Variants in TBX19 observed in about 807,000 individuals in gnomAD.
The protein encoded by TBX19 is T-box transcription factor TBX19.
TBX19 carries 33 observed loss-of-function variants against 40.9 expected under a neutral mutation model. The ratio of observed to expected loss-of-function variants is 0.81; its 90% confidence interval spans 0.61 to 1.08. The LOEUF (loss-of-function observed/expected upper bound fraction) is 1.08, where lower values mean the gene tolerates loss of function less well. Among genes scored for constraint, TBX19 ranks in the 50% least tolerant of loss-of-function variants. The pLI, the probability that TBX19 is intolerant of heterozygous loss-of-function variation, is 0.00. For synonymous variants in TBX19, 220 were observed against 225.0 expected, an observed-to-expected ratio of 0.98 and a Z score of 0.20; for missense variants, 494 against 574.0, an observed-to-expected ratio of 0.86 and a Z score of 1.42.
In TBX19 at chr1:168,281,097, A is replaced by G. The variant is rs771353874; in HGVS notation, c.7A>G (p.Met3Val). The G allele has an allele frequency of 6.2e-6, 10 of 1,614,006 alleles. No individual in the cohort carries two copies. In the South Asian group the frequency reaches 9.9e-5, roughly 16 times the overall value. The change falls in exon 1 of 8, where the codon ATG becomes GTG. Residue 3 changes from methionine to valine, a missense_variant. Physicochemically the swap from Met to Val is conservative, Grantham distance 21. Around this residue, in one of 3 missense-constraint regions of TBX19, gnomAD observed 201 missense variants for 235.2 expected, o/e 0.85. Coordinates refer to ENST00000367821, the MANE Select transcript of TBX19 (RefSeq NM_005149.3). MA[M>V]SELGTRKPSD... ...CAAAGTTCGAGAAGTGCCTATGGCCATGAGTGAGCTGGGCACTCGGAAGCC... is the reference window on the plus strand; with the variant it reads ...CAAAGTTCGAGAAGTGCCTATGGCCGTGAGTGAGCTGGGCACTCGGAAGCC...
At chr1:168,300,511 G>A in intron 5 of TBX19, 28 bp downstream of exon 5, 1 of 1,610,946 alleles carries the variant, frequency 6.2e-7, no homozygotes, top group East Asian at 2.2e-5. Context: ...GAGGCGGGAG[G>A]TGCGTGGGGC....
Position 168,281,166 on chromosome 1 carries a change from G to C in TBX19, c.76G>C (p.Glu26Gln), listed in dbSNP as rs1241142397. ...VSHLLNVVESELQAGREKGDP... is the reference protein window; with the variant it reads ...VSHLLNVVESQLQAGREKGDP... ...TCATCTGCTCAATGTGGTGGAGAGT[G>C]AGCTTCAGGCAGGGAGGGAAAAAGG... The change falls in exon 1 of 8, where the codon GAG becomes CAG. Residue 26 changes from glutamate to glutamine, a missense_variant. Glu to Gln is a conservative substitution (Grantham distance 29). This residue lies in a region of TBX19 where 201 missense variants were observed against 235.2 expected (regional missense o/e 0.85). Transcript: ENST00000367821. 2 of 1,614,042 alleles carry C rather than the reference G, an allele frequency of 1.2e-6. No individual in the cohort carries two copies. Among genetic ancestry groups the C allele is most frequent in the African/African-American group, 2.7e-5 (2 of 74,924 alleles).
At chr1:168,303,634 G>C (rs373909361) in intron 5 of TBX19, among the ~76,000 whole-genome samples, 2 of 152,304 alleles carry the variant, frequency 1.3e-5, no homozygotes, top group Admixed American at 6.5e-5. Flanking sequence ...CTACTTCATA[G>C]GCAGAACAGA....
At chr1:168,293,063 A>C (rs1648987015) in intron 2 of TBX19, 81 bp from the exon 3 acceptor site, 1 of 1,596,676 alleles carries the variant, frequency 6.3e-7, no homozygotes, top group Admixed American at 1.7e-5. Flanking sequence ...GCTTGGGACC[A>C]ACTGGAGATG....
In TBX19 at chr1:168,291,352, G is replaced by A; in HGVS notation, c.396G>A (p.Gly132=). The A allele has an allele frequency of 6.2e-7, 1 of 1,614,166 alleles. No homozygotes were observed. ...TTCACCCGGACTCCCCCAACTTTGG[G>A]GCCCACTGGATGAAAGCTCCCATCT... ...VYIHPDSPNF[G]AHWMKAPISF... The change falls in exon 2 of 8, where the codon GGG becomes GGA. Residue 132 remains glycine, a synonymous_variant. Coordinates refer to ENST00000367821, the MANE Select transcript of TBX19 (RefSeq NM_005149.3).
chr1:168,302,497 G>A (rs140997305), intron 5 of TBX19, among the ~76,000 whole-genome samples: 102 of 152,108 alleles, frequency 6.7e-4, no homozygotes, highest in African/African-American at 2.1e-3. Context: ...CATGGTCAGC[G>A]GGAGAACAAG....
At chr1:168,300,285 C>T (rs79425263) in intron 4 of TBX19, 137 bp from the exon 5 acceptor site, 15,996 of 806,010 alleles carry the variant, frequency 0.02, 718 homozygotes, top group South Asian at 0.12. Context: ...TGGGGAAGGA[C>T]AGGAGCTTAG....
rs796504978 is a variant in TBX19, at chr1:168,295,785, A to G, written c.604-1939A>G. ...TGGTGGGGGGTGCATGTGGAATTGG[A>G]GACCATGTCCTAACCTCCTCTGGTC... On this transcript the variant is annotated intron_variant, in intron 3 of 7. Coordinates refer to ENST00000367821, the MANE Select transcript of TBX19 (RefSeq NM_005149.3). 1.3e-5 allele frequency among the ~76,000 whole-genome samples: 2 copies of G among 152,094 alleles called. 1 individual carries two copies. Among genetic ancestry groups the G allele is most frequent in the South Asian group, 4.1e-4 (2 of 4,824 alleles).
At chr1:168,308,586 T>C in intron 6 of TBX19, 156 bp from the exon 7 acceptor site, 1 of 936,566 alleles carries the variant, frequency 1.1e-6, no homozygotes, top group Non-Finnish European at 1.6e-6. Flanking sequence ...AAACCCACGT[T>C]TCTTTTTATT....
At position 168,313,633 on chromosome 1, in the gene TBX19, C is replaced by A. The variant is rs972552081; in HGVS notation, c.*631C>A. On this transcript the variant is annotated 3_prime_UTR_variant, in exon 8 of 8. Coordinates refer to ENST00000367821, the MANE Select transcript of TBX19 (RefSeq NM_005149.3). The stretch of plus-strand genomic sequence containing the variant: ...ATGAAGTCAATTCTCCTCACTATAA[C>A]TGGGTGTGGTAGTTTAAGCCTATAA... 13 of 155,536 alleles carry A rather than the reference C, an allele frequency of 8.4e-5. No individual in the cohort carries two copies. Among genetic ancestry groups the A allele is most frequent in the African/African-American group, 3.1e-4 (13 of 41,474 alleles). The allele number at this position is 155,536 out of a possible 1,614,324, so 9.6% of individuals were successfully genotyped here.
intron 5 of TBX19, 141 bp from the exon 6 acceptor site, chr1:168,304,867 A>C: frequency 1.1e-6 from 1 of 869,610 alleles, no homozygotes; most frequent in Non-Finnish European, 1.9e-6. Flanking sequence ...GGATGGTACC[A>C]CCACACAGGC....
At chr1:168,282,216 A>G (rs1648672720) in intron 1 of TBX19, among the ~76,000 whole-genome samples, 1 of 152,182 alleles carries the variant, frequency 6.6e-6, no homozygotes, top group South Asian at 2.1e-4. Context: ...GACACCCTCG[A>G]GAGAATTCTG....
intron 3 of TBX19, among the ~76,000 whole-genome samples, chr1:168,294,947 A>T (rs1218857186): frequency 6.6e-6 from 1 of 152,180 alleles, no homozygotes; most frequent in African/African-American, 2.4e-5. Flanking sequence ...CAACACCATG[A>T]TCAACACTAT....
chr1:168,282,922 AG>A lies in TBX19; in HGVS notation c.203+1630del, dbSNP rs779435485. Among the ~76,000 whole-genome samples, 7 of 152,250 alleles carry A rather than the reference AG, an allele frequency of 4.6e-5. No individual in the cohort carries two copies. In the South Asian group the frequency reaches 1.4e-3, roughly 31 times the overall value. On this transcript the variant is annotated intron_variant, in intron 1 of 7. Transcript: ENST00000367821. ...ATTTCAATAAGGAATAAATAATAAAAGTTTCTGAAACCATGATAAATTCCAA... is the reference window on the plus strand; with the variant it reads ...ATTTCAATAAGGAATAAATAATAAAATTTCTGAAACCATGATAAATTCCAA...
intron 5 of TBX19, among the ~76,000 whole-genome samples, chr1:168,303,203 C>T (rs1649320240): frequency 6.6e-6 from 1 of 152,122 alleles, no homozygotes. Flanking sequence ...CCCACTACCC[C>T]ACGACAGGTC....
chr1:168,308,912 T>C (rs1649465763), intron 7 of TBX19, 35 bp downstream of exon 7: 16 of 1,613,996 alleles, frequency 9.9e-6, no homozygotes, highest in Non-Finnish European at 1.4e-5. Flanking sequence ...TCATTGGTCG[T>C]CTTGGGGGTT....
chr1:168,291,375 T>C lies in TBX19; in HGVS notation c.419T>C (p.Ile140Thr). ...GGGGCCCACTGGATGAAAGCTCCCA[T>C]CTCCTTCAGCAAAGTGAAGCTGACC... ...NFGAHWMKAP[I>T]SFSKVKLTNK... The change falls in exon 2 of 8, where the codon ATC becomes ACC. Residue 140 changes from isoleucine to threonine, a missense_variant. Ile to Thr is a moderately conservative substitution (Grantham distance 89, BLOSUM62 -1). Transcript: ENST00000367821. The C allele has an allele frequency of 6.2e-7, 1 of 1,614,124 alleles. No individual in the cohort carries two copies. Among genetic ancestry groups the C allele is most frequent in the Non-Finnish European group, 8.5e-7 (1 of 1,180,010 alleles).
chr1:168,313,287 T>G lies in TBX19; in HGVS notation c.*285T>G, dbSNP rs1649570172. Reference sequence around the variant, plus strand: ...TTTGTTAAGTACCATCCTTGTGCCCTGCCTCTTATTCTCAAATCGTTCTGG... The same window carrying G: ...TTTGTTAAGTACCATCCTTGTGCCCGGCCTCTTATTCTCAAATCGTTCTGG... On this transcript the variant is annotated 3_prime_UTR_variant, in exon 8 of 8. Coordinates refer to ENST00000367821, the MANE Select transcript of TBX19 (RefSeq NM_005149.3). 2.1e-6 allele frequency: 1 copy of G among 487,440 alleles called. No individual in the cohort carries two copies. The highest frequency in any genetic ancestry group is 1.9e-5 in the African/African-American group (1 of 51,432). 30.2% of individuals were successfully genotyped at this position (487,440 alleles called of 1,614,324 possible).
chr1:168,304,805 T>C (rs1649360710), intron 5 of TBX19, among the ~76,000 whole-genome samples: 1 of 152,244 alleles, frequency 6.6e-6, no homozygotes, highest in African/African-American at 2.4e-5. Flanking sequence ...TGGTCATGCA[T>C]TTCCAGAGAA....
Sources: gnomAD v4.1 joint callset for allele counts (sites outside exome capture counted in the v4.1 genomes callset) on GRCh38, gnomAD v4.1.1 for gene constraint, gnomAD v4.1.1 regional missense constraint, MANE v1.5 for transcripts, NCBI Gene and HGNC (gene_info 2026-07-23, HGNC 2026-07-21) for gene names.